SH3PXD2A: variants seen among roughly 807,000 people sequenced by gnomAD.
SH3PXD2A encodes the protein SH3 and PX domain-containing protein 2A.
A neutral mutation model predicts 115.2 loss-of-function variants in SH3PXD2A; 32 were observed. That is an observed-to-expected ratio of 0.28 (90% CI 0.21 to 0.37). The LOEUF is 0.37. Ranked by LOEUF, SH3PXD2A falls within the 10% of genes least tolerant of loss-of-function variation. The probability of loss-of-function intolerance (pLI) is 1.00; values close to 1 mark genes in which losing one functional copy is unlikely to be tolerated. For missense variants in SH3PXD2A, 1,328 were observed against 1,498.7 expected (o/e 0.89, Z 1.88); for synonymous variants, 610 against 629.1 (o/e 0.97, Z 0.45).
chr10:103,702,106 C>G (rs1443573891), intron 5 of SH3PXD2A, among the ~76,000 whole-genome samples: 1 of 151,720 alleles, frequency 6.6e-6, no homozygotes, highest in African/African-American at 2.4e-5. Flanking sequence ...ATCCAGCCAT[C>G]CATCCATCAT....
chr10:103,600,702 TTCACCATG>T lies in SH3PXD2A; in HGVS notation c.*1106_*1113del. 1 of 152,234 alleles carries T rather than the reference TTCACCATG, an allele frequency of 6.6e-6. No homozygotes were observed. 9.4% of individuals were successfully genotyped at this position (152,234 alleles called of 1,614,324 possible). A position where few individuals can be genotyped will look rare whatever the true frequency, so the allele number is the denominator to read the frequency against. ...GGAACCAGAAGAACAGTTTCTCTGC[TTCACCATG>T]TCTGCAACCTGGGGCTTGCCTAGCC... On this transcript the variant is annotated 3_prime_UTR_variant, in exon 15 of 15. Transcript: ENST00000369774.
Position 103,724,289 on chromosome 10 carries a change from C to A in SH3PXD2A, c.379G>T (p.Asp127Tyr). The A allele has an allele frequency of 6.3e-7, 1 of 1,576,414 alleles. No homozygotes were observed. The highest frequency in any genetic ancestry group is 8.6e-7 in the Non-Finnish European group (1 of 1,163,864). ...VFRFFEARPEDVNPPKEDYGS... is the reference protein window; with the variant it reads ...VFRFFEARPEYVNPPKEDYGS... ...ACTTACTCTTTTGGAGGGTTGACAT[C>A]CTCGGGTCGAGCCTCGAAGAACCGG... Residue 127 changes from aspartate to tyrosine, a missense_variant, in exon 5 of 15, where the codon GAT (aspartate) becomes TAT (tyrosine). By Grantham distance (160) the Asp-to-Tyr change is radical. Transcript: ENST00000369774.
chr10:103,855,150 G>A (rs1011780037), intron 1 of SH3PXD2A, 45 bp downstream of exon 1: 1 of 1,437,726 alleles, frequency 7.0e-7, no homozygotes, highest in Non-Finnish European at 9.4e-7. Context: ...GGCCCTCCCG[G>A]GACCTCGGGC....
At chr10:103,812,485 G>A (rs1316272729) in intron 1 of SH3PXD2A, among the ~76,000 whole-genome samples, 3 of 152,048 alleles carry the variant, frequency 2.0e-5, no homozygotes, top group Admixed American at 2.0e-4. Flanking sequence ...CAACCCAGTG[G>A]GTCTAGGAAA....
intron 3 of SH3PXD2A, among the ~76,000 whole-genome samples, chr10:103,737,851 C>A (rs2038397488): frequency 6.6e-6 from 1 of 152,200 alleles, no homozygotes; most frequent in African/African-American, 2.4e-5. Context: ...GACTTCCCTG[C>A]CACCACAAGC....
chr10:103,836,746 C>T (rs2039546425), intron 1 of SH3PXD2A, among the ~76,000 whole-genome samples: 2 of 151,936 alleles, frequency 1.3e-5, no homozygotes, highest in Non-Finnish European at 2.9e-5. Flanking sequence ...GATGTTCTCA[C>T]CATCTCTAAA....
chr10:103,763,136 C>T (rs1422886563), intron 3 of SH3PXD2A, among the ~76,000 whole-genome samples: 1 of 152,142 alleles, frequency 6.6e-6, no homozygotes, highest in Admixed American at 6.5e-5. Context: ...AGATTTTCTG[C>T]CAGGATTTGA....
At chr10:103,725,489 T>C (rs2038229742) in intron 4 of SH3PXD2A, among the ~76,000 whole-genome samples, 2 of 151,968 alleles carry the variant, frequency 1.3e-5, no homozygotes, top group African/African-American at 4.8e-5. Context: ...CATCCAGGCA[T>C]GGGGAGAGTC....
intron 6 of SH3PXD2A, among the ~76,000 whole-genome samples, chr10:103,672,388 G>A (rs972646383): frequency 6.6e-5 from 10 of 152,222 alleles, no homozygotes; most frequent in African/African-American, 1.4e-4. Context: ...GTTGTCTGAC[G>A]TTCTAGACCT....
Position 103,768,235 on chromosome 10 carries a change from G to A in SH3PXD2A, c.154-1066C>T, listed in dbSNP as rs146219516. 2.2e-4 allele frequency among the ~76,000 whole-genome samples: 33 copies of A among 152,376 alleles called. 1 individual carries two copies. The East Asian group carries it at 6.4e-3, about 29-fold the overall frequency. On this transcript the variant is annotated intron_variant, in intron 2 of 14. Coordinates refer to ENST00000369774, the MANE Select transcript of SH3PXD2A (RefSeq NM_001394015.1). ...AGTAAGAATGTCATGTGCCAGGGAAGATCAGATCAGTGCTGCGGAGGAAAA... is the reference window on the plus strand; with the variant it reads ...AGTAAGAATGTCATGTGCCAGGGAAAATCAGATCAGTGCTGCGGAGGAAAA...
At position 103,742,737 on chromosome 10, in the gene SH3PXD2A, G is replaced by C. The variant is rs775038514; in HGVS notation, c.230-6929C>G. Among the ~76,000 whole-genome samples, 13 of 152,330 alleles carry C rather than the reference G, an allele frequency of 8.5e-5. No homozygotes were observed. The South Asian group carries it at 1.2e-3, about 15-fold the overall frequency. ...TATGAGTGCAGCCTGAAGCCCTCGT[G>C]GGGGACAGGGGAGTGTCTGAACAGA... On this transcript the variant is annotated intron_variant, in intron 3 of 14. Coordinates refer to ENST00000369774, the MANE Select transcript of SH3PXD2A (RefSeq NM_001394015.1).
At chr10:103,661,909 C>T (rs2037312113) in intron 7 of SH3PXD2A, 1 of 985,194 alleles carries the variant, frequency 1.0e-6, no homozygotes, top group Non-Finnish European at 1.2e-6. Context: ...CCAGCCCGCC[C>T]CCCGCCAACT....
At chr10:103,716,817 T>C (rs2134163247) in intron 5 of SH3PXD2A, among the ~76,000 whole-genome samples, 1 of 152,318 alleles carries the variant, frequency 6.6e-6, no homozygotes, top group Non-Finnish European at 1.5e-5. Flanking sequence ...CCAGCAGTGG[T>C]CAAGAAGGCT....
chr10:103,682,362 A>T (rs1185347136), intron 6 of SH3PXD2A, among the ~76,000 whole-genome samples: 2 of 152,250 alleles, frequency 1.3e-5, no homozygotes, highest in African/African-American at 4.8e-5. Context: ...CAGAGTTGCC[A>T]AATCAATCAG....
intron 5 of SH3PXD2A, among the ~76,000 whole-genome samples, chr10:103,706,204 G>A (rs1471620529): frequency 6.6e-6 from 1 of 152,168 alleles, no homozygotes; most frequent in East Asian, 1.9e-4. Context: ...TTCCGATGGT[G>A]ATGGAGCATC....
chr10:103,814,194 G>T (rs991342035), intron 1 of SH3PXD2A, among the ~76,000 whole-genome samples: 24 of 152,090 alleles, frequency 1.6e-4, no homozygotes, highest in Non-Finnish European at 3.2e-4. Context: ...AGCAAACAAG[G>T]AGACTCGAGT....
intron 2 of SH3PXD2A, among the ~76,000 whole-genome samples, chr10:103,775,478 G>C (rs1323122572): frequency 6.6e-6 from 1 of 152,162 alleles, no homozygotes; most frequent in African/African-American, 2.4e-5. Context: ...TGAGCAAAAG[G>C]ATGTCTCAGA....
chr10:103,835,672 C>CG lies in SH3PXD2A; in HGVS notation c.72+19522_72+19523insC, dbSNP rs1564900615. 2.6e-5 allele frequency among the ~76,000 whole-genome samples: 4 copies of CG among 151,964 alleles called. No homozygotes were observed. In the South Asian group the frequency reaches 6.2e-4, roughly 24 times the overall value. On this transcript the variant is annotated intron_variant, in intron 1 of 14. Transcript: ENST00000369774. ...ACGTCCTGGTCTTTTGGCCGCCCCC[C>CG]CAACCCCTCACCAAGTCTTCGCTGA...
chr10:103,709,703 C>T (rs1007398124), intron 5 of SH3PXD2A, among the ~76,000 whole-genome samples: 1 of 152,210 alleles, frequency 6.6e-6, no homozygotes, highest in African/African-American at 2.4e-5. Context: ...CAGTTATTGG[C>T]GTTGCAAGTC....
Sources: gnomAD v4.1 joint callset for allele counts (sites outside exome capture counted in the v4.1 genomes callset) on GRCh38, gnomAD v4.1.1 for gene constraint, MANE v1.5 for transcripts, NCBI Gene and HGNC (gene_info 2026-07-23, HGNC 2026-07-21) for gene names.